CLTCL1: variants seen among roughly 807,000 people sequenced by gnomAD.
CLTCL1 encodes clathrin heavy chain like 1.
CLTCL1 carries 159 observed loss-of-function variants against 190.0 expected under a neutral mutation model. The ratio of observed to expected loss-of-function variants is 0.84; its 90% CI spans 0.74 to 0.95. CLTCL1 has a LOEUF of 0.95. Among genes scored for constraint, CLTCL1 ranks in the 40% least tolerant of loss-of-function variants. The pLI, the probability that CLTCL1 is intolerant of heterozygous loss-of-function variation, is 0.00. For synonymous variants in CLTCL1, 752 were observed against 769.6 expected, an observed-to-expected ratio of 0.98 and a Z score of 0.38; for missense variants, 1,878 against 2,033.4, an observed-to-expected ratio of 0.92 and a Z score of 1.47.
chr22:19,205,799 A>G (rs923755138), intron 22 of CLTCL1, among the ~76,000 whole-genome samples: 1 of 152,192 alleles, frequency 6.6e-6, no homozygotes, highest in Non-Finnish European at 1.5e-5. Flanking sequence ...TCAAATACAT[A>G]TTTTTAAAAA....
intron 2 of CLTCL1, among the ~76,000 whole-genome samples, chr22:19,259,846 C>G (rs1285274222): frequency 3.9e-5 from 6 of 152,132 alleles, no homozygotes; most frequent in African/African-American, 1.4e-4. Flanking sequence ...AATGATTAGG[C>G]TTTGTGAGGA....
At chr22:19,252,974 A>G (rs981890189) in intron 3 of CLTCL1, among the ~76,000 whole-genome samples, 1 of 149,526 alleles carries the variant, frequency 6.7e-6, no homozygotes, top group African/African-American at 2.5e-5. Context: ...AGATCGCGCC[A>G]CTGCACTCCA....
chr22:19,265,221 G>T (rs1555977363), intron 2 of CLTCL1, among the ~76,000 whole-genome samples: 1 of 152,154 alleles, frequency 6.6e-6, no homozygotes, highest in Non-Finnish European at 1.5e-5. Context: ...TAAAACAACT[G>T]CTTTTGGACA....
intron 24 of CLTCL1, among the ~76,000 whole-genome samples, 192 bp from the exon 25 acceptor site, chr22:19,196,848 G>A (rs2084725834): frequency 6.6e-6 from 1 of 152,218 alleles, no homozygotes; most frequent in Non-Finnish European, 1.5e-5. Context: ...TGGATCATCT[G>A]ACAATTACCA....
rs782397788 is a variant in CLTCL1 at position 19,234,546 on chromosome 22, T to G, written c.1130A>C (p.Tyr377Ser). The change falls in exon 7 of 33, where the codon TAT becomes TCT. Residue 377 changes from tyrosine to serine, a missense_variant. Tyr to Ser is a moderately radical substitution (Grantham distance 144). Transcript: ENST00000427926. ...CGCTGCAACTTTGGCGGCTTCAGCA[T>G]AGCTGCCCTGTGCAAAGAGGGTATT... ...KFNTLFAQGS[Y>S]AEAAKVAASA... 6.2e-7 allele frequency: 1 copy of G among 1,613,980 alleles called. No individual in the cohort carries two copies. Among genetic ancestry groups the G allele is most frequent in the Non-Finnish European group, 8.5e-7 (1 of 1,179,876 alleles).
rs5746675 is a variant in CLTCL1 at position 19,179,908 on chromosome 22, G to A, written c.*82C>T. ...CGGAAGTTGTACATTGGAGGCTGGC[G>A]AAGTTGGGAGCAGAGGCATATCCAT... On this transcript the variant is annotated 3_prime_UTR_variant, in exon 33 of 33. Coordinates refer to ENST00000427926, the MANE Select transcript of CLTCL1 (RefSeq NM_007098.4). The A allele has an allele frequency of 0.013, 6,043 of 461,204 alleles. 126 individuals are homozygous for A. The highest frequency in any genetic ancestry group is 0.067 in the East Asian group (1,795 of 26,916). 28.6% of individuals were successfully genotyped at this position (461,204 alleles called of 1,614,324 possible).
In CLTCL1 at chr22:19,291,547, G is replaced by C. The variant is rs527687806; in HGVS notation, c.42+53C>G. Reference sequence around the variant, plus strand: ...GGCGCGGGGTCAAGCCTGGCAGTCCGGCCCGGCGGAGGCGCGGCTGACAGG... The same window carrying C: ...GGCGCGGGGTCAAGCCTGGCAGTCCCGCCCGGCGGAGGCGCGGCTGACAGG... On this transcript the variant is annotated intron_variant, in intron 1 of 32. Transcript: ENST00000427926. 9.9e-4 allele frequency: 1,298 copies of C among 1,312,468 alleles called. 2 individuals carry two copies. The highest frequency in any genetic ancestry group is 3.7e-3 in the Middle Eastern group (16 of 4,280). 81.3% of individuals were successfully genotyped at this position (1,312,468 alleles called of 1,614,324 possible).
At chr22:19,190,596 CAA>C (rs55780206) in intron 27 of CLTCL1, among the ~76,000 whole-genome samples, 33,803 of 71,692 alleles carry the variant, frequency 0.47, 5,087 homozygotes, top group East Asian at 0.58. Flanking sequence ...AAGACTGTCT[CAA>C]AAAAAAAAAA....
rs2085970489 is a variant in CLTCL1, at chr22:19,233,237, C to T, written c.1450G>A (p.Val484Met). Residue 484 changes from valine to methionine, a missense_variant, in exon 9 of 33, where the codon GTG becomes ATG. Coordinates refer to ENST00000427926, the MANE Select transcript of CLTCL1 (RefSeq NM_007098.4). ...AAACACTGGATCACTTTGCTTGGCACATTTGCCCGAAGGTACACACTCAGA... is the reference window on the plus strand; with the variant it reads ...AAACACTGGATCACTTTGCTTGGCATATTTGCCCGAAGGTACACACTCAGA... ...LALSVYLRAN[V>M]PSKVIQCFAE... 3.7e-6 allele frequency: 6 copies of T among 1,613,996 alleles called. No homozygotes were observed. The highest frequency in any genetic ancestry group is 5.1e-6 in the Non-Finnish European group (6 of 1,179,888).
chr22:19,234,630 A>G lies in CLTCL1; in HGVS notation c.1046T>C (p.Leu349Pro). The G allele has an allele frequency of 6.2e-7, 1 of 1,614,066 alleles. No homozygotes were observed. The highest frequency in any genetic ancestry group is 2.2e-5 in the East Asian group (1 of 44,888). ...TNVLQNPDLG[L>P]RLAVRSNLAG... ...CAGGTTACTACGAACGGCCAAACGC[A>G]GACCAAGGTCTGGATTCTGAAGCAC... Residue 349 changes from leucine (L) to proline (P), a missense_variant, in exon 7 of 33, where the codon CTG (leucine) becomes CCG (proline). Leu to Pro is a moderately conservative substitution (Grantham distance 98, BLOSUM62 -3). Transcript: ENST00000427926.
At chr22:19,236,086 T>C (rs1252638188) in intron 5 of CLTCL1, among the ~76,000 whole-genome samples, 2 of 152,158 alleles carry the variant, frequency 1.3e-5, no homozygotes, top group Non-Finnish European at 2.9e-5. Flanking sequence ...CAGCCTCCAA[T>C]GTAGCTGGGA....
At chr22:19,241,965 T>TG (rs1206860169) in intron 4 of CLTCL1, among the ~76,000 whole-genome samples, 2 of 148,054 alleles carry the variant, frequency 1.4e-5, no homozygotes, top group Admixed American at 6.8e-5. Flanking sequence ...TTTTTGGAGA[T>TG]GGAGTCTCGC....
chr22:19,260,079 T>A (rs1476137135), intron 2 of CLTCL1, among the ~76,000 whole-genome samples: 1 of 152,144 alleles, frequency 6.6e-6, no homozygotes, highest in African/African-American at 2.4e-5. Context: ...CAAAGCCTAA[T>A]CCACAGCAAG....
At chr22:19,255,544 C>T (rs925525493) in intron 2 of CLTCL1, among the ~76,000 whole-genome samples, 1 of 151,290 alleles carries the variant, frequency 6.6e-6, no homozygotes. Context: ...GCCTGGGTGA[C>T]AAAGTGAAAA....
chr22:19,202,620 C>T (rs1457407734), intron 22 of CLTCL1, among the ~76,000 whole-genome samples: 1 of 148,676 alleles, frequency 6.7e-6, no homozygotes, highest in African/African-American at 2.5e-5. Flanking sequence ...GCATCTACTG[C>T]ACTACCCTAC....
At chr22:19,184,325 G>C in intron 29 of CLTCL1, 1 of 382,098 alleles carries the variant, frequency 2.6e-6, no homozygotes, top group Non-Finnish European at 5.3e-6. Flanking sequence ...CACTGACTGT[G>C]ACCTGTGCTC....
At chr22:19,230,285 G>C (rs558015720) in intron 10 of CLTCL1, among the ~76,000 whole-genome samples, 1 of 152,068 alleles carries the variant, frequency 6.6e-6, no homozygotes, top group Non-Finnish European at 1.5e-5. Context: ...TCTATTTTTA[G>C]TAGAGACACG....
At chr22:19,263,102 A>G (rs1555976330) in intron 2 of CLTCL1, among the ~76,000 whole-genome samples, 2 of 151,698 alleles carry the variant, frequency 1.3e-5, no homozygotes, top group African/African-American at 4.8e-5. Flanking sequence ...GGAATAAATA[A>G]ATAGATTATT....
At chr22:19,255,761 T>C (rs1169925070) in intron 2 of CLTCL1, among the ~76,000 whole-genome samples, 3 of 148,096 alleles carry the variant, frequency 2.0e-5, no homozygotes, top group Non-Finnish European at 4.5e-5. Context: ...AATACGAAAA[T>C]TAGCCGGGCA....
Sources: gnomAD v4.1 joint callset for allele counts (sites outside exome capture counted in the v4.1 genomes callset) on GRCh38, gnomAD v4.1.1 for gene constraint, MANE v1.5 for transcripts, NCBI Gene and HGNC (gene_info 2026-07-23, HGNC 2026-07-21) for gene names.